The following GALNT13 variants were observed in gnomAD, a reference collection of about 807,000 sequenced individuals.
The protein encoded by GALNT13 is polypeptide N-acetylgalactosaminyltransferase 13.
GALNT13 carries 28 observed loss-of-function variants against 64.2 expected under a neutral mutation model. That is an observed-to-expected ratio of 0.44 (90% CI 0.32 to 0.60). GALNT13 has a LOEUF of 0.60. Ranked by LOEUF, GALNT13 falls within the 20% of genes least tolerant of loss-of-function variation. The probability of loss-of-function intolerance (pLI) is 0.05; values close to 1 mark genes in which losing one functional copy is unlikely to be tolerated. For missense variants in GALNT13, 577 were observed against 669.8 expected (o/e 0.86, Z 1.53); for synonymous variants, 214 against 224.6 (o/e 0.95, Z 0.42).
At chr2:153,814,304 G>A in the GALNT13 span, among the ~76,000 whole-genome samples, 1 of 152,138 alleles carries the variant, frequency 6.6e-6, no homozygotes, top group Non-Finnish European at 1.5e-5. Flanking sequence ...ACTGGGCGCG[G>A]TGGCGGGCGC....
chr2:153,411,159 A>ATG, the GALNT13 span, among the ~76,000 whole-genome samples: 4 of 102,382 alleles, frequency 3.9e-5, no homozygotes, highest in African/African-American at 1.3e-4. Flanking sequence ...CATGGCATAT[A>ATG]TGTATATATA....
At chr2:153,590,261 C>A in the GALNT13 span, among the ~76,000 whole-genome samples, 1 of 152,040 alleles carries the variant, frequency 6.6e-6, no homozygotes, top group Non-Finnish European at 1.5e-5. Context: ...TTTCTGGGAA[C>A]ATACAACCTC....
rs368640974 is a variant in GALNT13 at position 153,884,793 on chromosome 2, GTATA to G, written c.-177+12500_-177+12503del. ...TATATATATATATATATATGTGTGT[GTATA>G]TATATATATGTGTGTGTGTGTGTAT... On this transcript the variant is annotated intron_variant, in intron 1 of 12. Transcript: ENST00000392825. 9.7e-3 allele frequency among the ~76,000 whole-genome samples: 583 copies of G among 59,808 alleles called. 10 individuals are homozygous for G. Among genetic ancestry groups the G allele is most frequent in the African/African-American group, 0.037 (535 of 14,476 alleles). The allele number at this position is 59,808 out of a possible 152,430, so 39.2% of individuals were successfully genotyped here. A position where few individuals can be genotyped will look rare whatever the true frequency, so the allele number is the denominator to read the frequency against.
At chr2:154,216,862 T>A (rs1266142472) in intron 4 of GALNT13, among the ~76,000 whole-genome samples, 1 of 142,094 alleles carries the variant, frequency 7.0e-6, no homozygotes, top group African/African-American at 2.6e-5. Flanking sequence ...CAGGCACAAG[T>A]GCAGTGGCAT....
At chr2:153,872,627 G>GC (rs1558826666) in intron 1 of GALNT13, among the ~76,000 whole-genome samples, 1 of 99,556 alleles carries the variant, frequency 1.0e-5, no homozygotes, top group Admixed American at 1.2e-4. Flanking sequence ...GGCGGGGGGG[G>GC]GGGGGGGAGC....
At chr2:153,074,798 G>A in the GALNT13 span, among the ~76,000 whole-genome samples, 2 of 152,110 alleles carry the variant, frequency 1.3e-5, no homozygotes, top group Non-Finnish European at 2.9e-5. Context: ...GCAGTGACAC[G>A]AACATAACTC....
intron 4 of GALNT13, among the ~76,000 whole-genome samples, chr2:154,165,463 T>C (rs1684974241): frequency 6.6e-6 from 1 of 152,224 alleles, no homozygotes; most frequent in Admixed American, 6.5e-5. Flanking sequence ...AGCCTCATTA[T>C]ATTATCAAAA....
the GALNT13 span, among the ~76,000 whole-genome samples, chr2:153,663,614 C>G: frequency 6.6e-6 from 1 of 152,076 alleles, no homozygotes; most frequent in African/African-American, 2.4e-5. Flanking sequence ...AAGAATATCC[C>G]CACTCCCAAA....
At chr2:153,828,901 G>A in the GALNT13 span, among the ~76,000 whole-genome samples, 1 of 152,126 alleles carries the variant, frequency 6.6e-6, no homozygotes, top group African/African-American at 2.4e-5. Flanking sequence ...TCTTCTGCCA[G>A]ATACCCTAAA....
chr2:154,089,404 C>T (rs1177838243), intron 3 of GALNT13, among the ~76,000 whole-genome samples: 3 of 151,998 alleles, frequency 2.0e-5, no homozygotes, highest in Admixed American at 6.6e-5. Flanking sequence ...CAAGGGTGAT[C>T]GGGGCCCGCC....
chr2:154,053,364 T>C (rs997886631), intron 3 of GALNT13, among the ~76,000 whole-genome samples: 4 of 152,016 alleles, frequency 2.6e-5, no homozygotes, highest in Non-Finnish European at 4.4e-5. Flanking sequence ...TTTCCTATTA[T>C]TATTTCCCTT....
At chr2:153,542,706 G>A in the GALNT13 span, among the ~76,000 whole-genome samples, 1 of 152,174 alleles carries the variant, frequency 6.6e-6, no homozygotes, top group African/African-American at 2.4e-5. Flanking sequence ...CAAGGTTTTT[G>A]TTGAAAACTG....
intron 3 of GALNT13, among the ~76,000 whole-genome samples, chr2:154,068,827 A>G (rs1385001283): frequency 6.6e-6 from 1 of 152,054 alleles, no homozygotes; most frequent in Non-Finnish European, 1.5e-5. Flanking sequence ...CAGGGTGACT[A>G]CAGTCAACAA....
At chr2:153,358,030 G>T in the GALNT13 span, among the ~76,000 whole-genome samples, 2 of 152,110 alleles carry the variant, frequency 1.3e-5, no homozygotes, top group Non-Finnish European at 2.9e-5. Context: ...TATGAACCGA[G>T]AAATGAGGTT....
intron 4 of GALNT13, among the ~76,000 whole-genome samples, chr2:154,199,191 T>A (rs1687041313): frequency 6.6e-6 from 1 of 151,956 alleles, no homozygotes; most frequent in South Asian, 2.1e-4. Context: ...AGAAAACTGA[T>A]TCTGTTCTGC....
chr2:153,277,923 C>CTTTTTT, the GALNT13 span, among the ~76,000 whole-genome samples: 2,824 of 78,658 alleles, frequency 0.036, 962 homozygotes, highest in Non-Finnish European at 0.045. Context: ...GTTTTCTTTT[C>CTTTTTT]TTTCTTTTTT....
chr2:154,277,119 A>G (rs1389240632), intron 8 of GALNT13, among the ~76,000 whole-genome samples: 1 of 152,186 alleles, frequency 6.6e-6, no homozygotes, highest in Non-Finnish European at 1.5e-5. Flanking sequence ...TTCCCTATGG[A>G]AGATTACATG....
the GALNT13 span, among the ~76,000 whole-genome samples, chr2:153,538,326 C>CTTTTTTTTTTTTTTTTTTTTTTTTTTT: frequency 3.0e-5 from 3 of 100,842 alleles, no homozygotes; most frequent in Non-Finnish European, 4.3e-5. Context: ...TTTTTTAATT[C>CTTTTTTTTTTTTTTTTTTTTTTTTTTT]TTTTTTTTTT....
the GALNT13 span, among the ~76,000 whole-genome samples, chr2:153,711,120 TC>T: frequency 1.3e-4 from 20 of 152,120 alleles, no homozygotes; most frequent in African/African-American, 4.8e-4. Flanking sequence ...AATTCAGCTC[TC>T]CAAACCATTT....
Sources: gnomAD v4.1 joint callset for allele counts (sites outside exome capture counted in the v4.1 genomes callset) on GRCh38, gnomAD v4.1.1 for gene constraint, MANE v1.5 for transcripts, NCBI Gene and HGNC (gene_info 2026-07-23, HGNC 2026-07-21) for gene names.